Variants in ZMYM6 observed in about 807,000 individuals in gnomAD.
ZMYM6 encodes the protein zinc finger MYM-type containing 6, also known as zinc finger MYM-type protein 6.
In ZMYM6, 90 loss-of-function variants were observed where a neutral mutation model predicts 134.0. The observed-to-expected ratio is 0.67, with a 90% CI of 0.57 to 0.80. The LOEUF (loss-of-function observed/expected upper bound fraction) is 0.80, where lower values mean the gene tolerates loss of function less well. Among genes scored for constraint, ZMYM6 ranks in the 30% least tolerant of loss-of-function variants. The pLI is 0.00. For synonymous variants in ZMYM6, 481 were observed against 524.1 expected, an observed-to-expected ratio of 0.92 and a Z score of 1.12; for missense variants, 1,362 against 1,533.9, an observed-to-expected ratio of 0.89 and a Z score of 1.87.
chr1:34,997,344 C>T lies in ZMYM6; in HGVS notation c.1993-4957G>A, dbSNP rs142188757. On this transcript the variant is annotated intron_variant, in intron 14 of 15. Transcript: ENST00000357182. ...TTTTTGAGACAGTCTCACTCTGTCA[C>T]CCAGACTGGAGTGCAGTGGCGTGAT... is the stretch of plus-strand genomic sequence containing the variant. Among the ~76,000 whole-genome samples, 894 of 152,292 alleles carry T rather than the reference C, an allele frequency of 5.9e-3. 6 individuals are homozygous for T. Among genetic ancestry groups the T allele is most frequent in the East Asian group, 0.025 (129 of 5,186 alleles).
Position 35,005,261 on chromosome 1 carries a change from T to C in ZMYM6, c.1825A>G (p.Lys609Glu), listed in dbSNP as rs367755424. ...AGCTCCGTCACAGCAGTTTTTGCTT[T>C]AGAAATATTTACTGATTAAAATAAA... ...CLPQNKVNIS[K>E]AKTAVTELPS... The change falls in exon 13 of 16, where the codon AAA becomes GAA. Residue 609 changes from lysine (K) to glutamate (E), a missense_variant. Around this residue, in one of 3 missense-constraint regions of ZMYM6, gnomAD observed 824 missense variants for 940.9 expected, o/e 0.88. Transcript: ENST00000357182. 2.0e-5 allele frequency: 32 copies of C among 1,613,900 alleles called. No individual in the cohort carries two copies. The highest frequency in any genetic ancestry group is 2.7e-5 in the African/African-American group (2 of 74,904).
At position 35,019,550 on chromosome 1, in the gene ZMYM6, A is replaced by C; in HGVS notation, c.231T>G (p.Ser77Arg). Reference sequence around the variant, plus strand: ...CAGCTGGAACTGAAGGAAGCAACACACTTGGGCCAGATGATGCAAAAGAAA... The same window carrying C: ...CAGCTGGAACTGAAGGAAGCAACACCCTTGGGCCAGATGATGCAAAAGAAA... ...FQLSFASSGPSVLLPSVPAVA... is the reference protein window; with the variant it reads ...FQLSFASSGPRVLLPSVPAVA... The change falls in exon 4 of 16, where the codon AGT becomes AGG. Residue 77 changes from serine (S) to arginine (R), a missense_variant. Ser to Arg is a moderately radical substitution (Grantham distance 110). Coordinates refer to ENST00000357182, the MANE Select transcript of ZMYM6 (RefSeq NM_007167.4). 6.2e-7 allele frequency: 1 copy of C among 1,612,786 alleles called. No homozygotes were observed. The highest frequency in any genetic ancestry group is 8.5e-7 in the Non-Finnish European group (1 of 1,179,706).
At chr1:35,002,451 C>A (rs1640896481) in intron 14 of ZMYM6, among the ~76,000 whole-genome samples, 1 of 152,204 alleles carries the variant, frequency 6.6e-6, no homozygotes, top group South Asian at 2.1e-4. Flanking sequence ...ACTGTCACCT[C>A]TTTTCAAATC....
At chr1:35,011,089 T>C in intron 8 of ZMYM6, 53 bp from the exon 9 acceptor site, 1 of 1,534,396 alleles carries the variant, frequency 6.5e-7, no homozygotes, top group Non-Finnish European at 8.8e-7. Flanking sequence ...ATAAGATAAC[T>C]TTGTACTTTT....
At chr1:35,022,786 C>T (rs1356900169) in intron 2 of ZMYM6, among the ~76,000 whole-genome samples, 1 of 152,152 alleles carries the variant, frequency 6.6e-6, no homozygotes, top group African/African-American at 2.4e-5. Context: ...CCTACACACA[C>T]ATTAGACTAA....
At position 34,994,962 on chromosome 1, in the gene ZMYM6, TATC is replaced by T. The variant is rs557634519; in HGVS notation, c.1993-2578_1993-2576del. 2.1e-4 allele frequency among the ~76,000 whole-genome samples: 31 copies of T among 147,926 alleles called. No individual in the cohort carries two copies. The Middle Eastern group carries it at 0.014, about 68-fold the overall frequency. On this transcript the variant is annotated intron_variant, in intron 14 of 15. Transcript: ENST00000357182. ...TATATGTATACATATATCCATAATA[TATC>T]ATAATATGGATATATACATATCTAT...
At chr1:34,991,985 AC>A (rs949154157) in intron 15 of ZMYM6, 3 of 486,802 alleles carry the variant, frequency 6.2e-6, no homozygotes, top group African/African-American at 4.0e-5. Flanking sequence ...AAAAAAAAAA[AC>A]AGGTTAAATC....
intron 13 of ZMYM6, 109 bp from the exon 14 acceptor site, chr1:35,004,114 G>T: frequency 2.2e-6 from 2 of 928,584 alleles, no homozygotes; most frequent in Non-Finnish European, 3.3e-6. Flanking sequence ...CTAAACCAGA[G>T]TTTCTCAGAA....
At position 34,988,119 on chromosome 1, in the gene ZMYM6, C is replaced by CCAGT; in HGVS notation, c.2959_2962dup (p.Gly988AspfsTer29). The CCAGT allele has an allele frequency of 6.4e-7, 1 of 1,551,488 alleles. No homozygotes were observed. The highest frequency in any genetic ancestry group is 8.7e-7 in the Non-Finnish European group (1 of 1,146,988). The stretch of plus-strand genomic sequence containing the variant: ...TTTTGCTTTTAAACCAGAATACCTG[C>CCAGT]CAGTCATGCTTGCAGCCCCATCGGT... On this transcript the variant is annotated frameshift_variant, in exon 16 of 16. Coordinates refer to ENST00000357182, the MANE Select transcript of ZMYM6 (RefSeq NM_007167.4). LOFTEE classifies it high-confidence loss of function.
At chr1:34,994,972 T>G (rs897611320) in intron 14 of ZMYM6, among the ~76,000 whole-genome samples, 1 of 146,892 alleles carries the variant, frequency 6.8e-6, no homozygotes, top group African/African-American at 2.5e-5. Context: ...TATCATAATA[T>G]GGATATATAC....
chr1:35,022,600 T>C lies in ZMYM6; in HGVS notation c.94-2133A>G, dbSNP rs564977027. On this transcript the variant is annotated intron_variant, in intron 2 of 15. Coordinates refer to ENST00000357182, the MANE Select transcript of ZMYM6 (RefSeq NM_007167.4). ...TCTAAAACCCAAGATAGCACTGTCA[T>C]AGATGTGAAAATATAAAGTAATTAC... Among the ~76,000 whole-genome samples, 4 of 152,280 alleles carry C rather than the reference T, an allele frequency of 2.6e-5. No homozygotes were observed. The East Asian group carries it at 5.8e-4, about 22-fold the overall frequency.
chr1:35,025,403 G>A (rs1454596380), intron 2 of ZMYM6, among the ~76,000 whole-genome samples: 1 of 147,478 alleles, frequency 6.8e-6, no homozygotes, highest in African/African-American at 2.5e-5. Flanking sequence ...GGAGGTGGAG[G>A]TTGCAGTGAA....
At chr1:35,012,310 C>T in intron 7 of ZMYM6, 121 bp downstream of exon 7, 2 of 946,182 alleles carry the variant, frequency 2.1e-6, no homozygotes, top group Non-Finnish European at 1.5e-6. Flanking sequence ...ATTTAAAAGT[C>T]AGTCTTGGGT....
In ZMYM6 at chr1:35,020,178, AAT is replaced by A. The variant is rs756919614; in HGVS notation, c.178+203_178+204del. On this transcript the variant is annotated intron_variant, in intron 3 of 15. Coordinates refer to ENST00000357182, the MANE Select transcript of ZMYM6 (RefSeq NM_007167.4). ...CACTGAAACAGAAGTTTTATGAAAC[AAT>A]ATGTTTCCTTACTACACATATCATA... Among the ~76,000 whole-genome samples the A allele has an allele frequency of 5.9e-5, 9 of 152,322 alleles. No individual in the cohort carries two copies. The South Asian group carries it at 1.0e-3, about 18-fold the overall frequency.
At chr1:35,029,565 ATTG>A (rs1255822712) in intron 2 of ZMYM6, among the ~76,000 whole-genome samples, 2 of 152,108 alleles carry the variant, frequency 1.3e-5, no homozygotes, top group Non-Finnish European at 2.9e-5. Context: ...AGCTATTTTT[ATTG>A]TTGTTGTTTT....
In ZMYM6 at chr1:34,987,252, G is replaced by A. The variant is rs766529729; in HGVS notation, c.3830C>T (p.Pro1277Leu). 3 of 1,613,174 alleles carry A rather than the reference G, an allele frequency of 1.9e-6. No homozygotes were observed. The highest frequency in any genetic ancestry group is 2.5e-6 in the Non-Finnish European group (3 of 1,179,782). Residue 1277 changes from proline (P) to leucine (L), a missense_variant, in exon 16 of 16, where the codon CCC becomes CTC. Physicochemically the swap from Pro to Leu is moderately conservative, Grantham distance 98. Coordinates refer to ENST00000357182, the MANE Select transcript of ZMYM6 (RefSeq NM_007167.4). ...ATCACATAAATAAACAGTTGAAAAG[G>A]GTAATAAAAATTTCATTGCCCTTTC... ...LHERAMKFLL[P>L]FSTVYLCDAA...
chr1:35,006,699 A>T (rs988643778), intron 12 of ZMYM6, among the ~76,000 whole-genome samples: 3 of 152,208 alleles, frequency 2.0e-5, no homozygotes, highest in Admixed American at 6.5e-5. Flanking sequence ...AAGCAATCAA[A>T]TCTAAGTTTC....
chr1:34,986,848 C>T lies in ZMYM6; in HGVS notation c.*256G>A. ...CCAGGTTGTGCTGTTACATTATAAA[C>T]TGGGCTTCTCATTACCTGCAGTCTT... is the stretch of plus-strand genomic sequence containing the variant. On this transcript the variant is annotated 3_prime_UTR_variant, in exon 16 of 16. Transcript: ENST00000357182. 1 of 229,250 alleles carries T rather than the reference C, an allele frequency of 4.4e-6. No individual in the cohort carries two copies. Among genetic ancestry groups the T allele is most frequent in the Admixed American group, 5.6e-5 (1 of 17,712 alleles). The allele number at this position is 229,250 out of a possible 1,614,324, so 14.2% of individuals were successfully genotyped here. A position where few individuals can be genotyped will look rare whatever the true frequency, so the allele number is the denominator to read the frequency against.
At chr1:35,013,539 G>C (rs1569777841) in intron 6 of ZMYM6, 1 of 985,200 alleles carries the variant, frequency 1.0e-6, no homozygotes. Flanking sequence ...GAACCAGACT[G>C]CCAAAAATGG....
Sources: allele counts gnomAD v4.1 joint callset (sites outside exome capture counted in the v4.1 genomes callset), GRCh38; gene constraint gnomAD v4.1.1; regional missense constraint gnomAD v4.1.1; transcripts MANE v1.5; gene names NCBI Gene and HGNC (gene_info 2026-07-23, HGNC 2026-07-21).